The following RPS6 variants were observed in gnomAD, a reference collection of about 807,000 sequenced individuals.
RPS6 encodes ribosomal protein S6, also known as small ribosomal subunit protein eS6.
In RPS6, 1 loss-of-function variant was observed where a neutral mutation model predicts 27.1. That is an observed-to-expected ratio of 0.04 (90% CI 0.01 to 0.18). RPS6 has a LOEUF of 0.18. Ranked by LOEUF, RPS6 falls within the 10% of genes least tolerant of loss-of-function variation. The pLI is 1.00. For synonymous variants in RPS6, 152 were observed against 106.0 expected (o/e 1.43, Z -2.66); for missense variants, 259 against 319.1 (o/e 0.81, Z 1.44).
chr9:19,376,980 C>T (rs549883301), intron 4 of RPS6: 252 of 190,598 alleles, frequency 1.3e-3, no homozygotes, highest in African/African-American at 5.4e-3. Context: ...AACCACTTAA[C>T]ACATTATCTA....
rs2132425616 is a variant in RPS6, at chr9:19,376,537, T to A, written c.611A>T (p.Glu204Val). Reference protein sequence around the residue: ...LKKQRTKKNKEEAAEYAKLLA... With the variant: ...LKKQRTKKNKVEAAEYAKLLA... ...AAGTTTAGCATATTCTGCAGCCTCT[T>A]CTTTATTTTTCTTGGTACGCTGCTT... Residue 204 changes from glutamate to valine, a missense_variant, in exon 5 of 6, where the codon GAA becomes GTA. Physicochemically the swap from Glu to Val is moderately radical, Grantham distance 121. Coordinates refer to ENST00000380394, the MANE Select transcript of RPS6 (RefSeq NM_001010.3). The A allele has an allele frequency of 6.2e-7, 1 of 1,614,180 alleles. No homozygotes were observed. Among genetic ancestry groups the A allele is most frequent in the South Asian group, 1.1e-5 (1 of 91,082 alleles).
Position 19,378,715 on chromosome 9 carries a change from T to C in RPS6, c.342A>G (p.Val114=), listed in dbSNP as rs771824170. The C allele has an allele frequency of 1.2e-6, 2 of 1,613,994 alleles. No homozygotes were observed. Among genetic ancestry groups the C allele is most frequent in the Admixed American group, 1.7e-5 (1 of 60,004 alleles). ...ANLSVLNLVI[V]KKGEKDIPGL... ...AACACAAGTAACCCTCACCTTTTTTTACAATAACCAAGTTGAGAACGCTCA... is the reference window on the plus strand; with the variant it reads ...AACACAAGTAACCCTCACCTTTTTTCACAATAACCAAGTTGAGAACGCTCA... Residue 114 remains valine (V), a synonymous_variant, in exon 3 of 6, where the codon GTA becomes GTG. Coordinates refer to ENST00000380394, the MANE Select transcript of RPS6 (RefSeq NM_001010.3).
intron 4 of RPS6, among the ~76,000 whole-genome samples, chr9:19,378,043 G>A (rs949568348): frequency 9.8e-5 from 15 of 152,290 alleles, no homozygotes; most frequent in Middle Eastern, 3.4e-3. Context: ...AGTGTGTGGT[G>A]CTAATAGTCC....
chr9:19,379,770 C>T, intron 1 of RPS6, 152 bp from the exon 2 acceptor site: 2 of 1,473,690 alleles, frequency 1.4e-6, no homozygotes, highest in South Asian at 1.4e-5. Flanking sequence ...ACTAAAAGCA[C>T]GTGAAAGCAG....
At position 19,376,193 on chromosome 9, in the gene RPS6, G is replaced by T; in HGVS notation, c.*100C>A. The T allele has an allele frequency of 9.8e-7, 1 of 1,015,960 alleles. No homozygotes were observed. The highest frequency in any genetic ancestry group is 1.5e-6 in the Non-Finnish European group (1 of 674,694). 62.9% of individuals were successfully genotyped at this position (1,015,960 alleles called of 1,614,324 possible). A position where few individuals can be genotyped will look rare whatever the true frequency, so the allele number is the denominator to read the frequency against. On this transcript the variant is annotated 3_prime_UTR_variant, in exon 6 of 6. Transcript: ENST00000380394. ...ATATATACATATCCCCATTTTCTATGACCTAACTTTCCCTCTCTTCATTTA... is the reference window on the plus strand; with the variant it reads ...ATATATACATATCCCCATTTTCTATTACCTAACTTTCCCTCTCTTCATTTA...
In RPS6 at chr9:19,379,612, T is replaced by C. The variant is rs1244090583; in HGVS notation, c.13A>G (p.Ile5Val). 5.0e-6 allele frequency: 8 copies of C among 1,613,390 alleles called. No individual in the cohort carries two copies. The African/African-American group carries it at 5.3e-5, about 11-fold the overall frequency. The change falls in exon 2 of 6, where the codon ATC (isoleucine) becomes GTC (valine). Residue 5 changes from isoleucine (I) to valine (V), a missense_variant. Ile to Val is a conservative substitution (Grantham distance 29). This residue lies in a region of RPS6 where 65 missense variants were observed against 66.6 expected (regional missense o/e 0.98). Transcript: ENST00000380394. ...TGGCAGCCAGTGGCTGGGAAGGAGA[T>C]GTTCAGCTAAGGATTAAAAGGGGGG... Reference protein sequence around the residue: MKLNISFPATGCQKL... With the variant: MKLNVSFPATGCQKL...
chr9:19,380,142 C>T, intron 1 of RPS6, 48 bp downstream of exon 1: 11 of 1,614,114 alleles, frequency 6.8e-6, no homozygotes, highest in Non-Finnish European at 9.3e-6. Flanking sequence ...TTCTGGGACT[C>T]GATTCACGTT....
At chr9:19,379,320 T>C (rs1554647538) in intron 2 of RPS6, 167 bp downstream of exon 2, 5 of 1,505,396 alleles carry the variant, frequency 3.3e-6, no homozygotes, top group Non-Finnish European at 4.4e-6. Context: ...TTACTCTACG[T>C]CCCCCCCTCC....
At chr9:19,376,690 T>G in intron 4 of RPS6, 39 bp from the exon 5 acceptor site, 2 of 1,579,762 alleles carry the variant, frequency 1.3e-6, no homozygotes, top group Non-Finnish European at 1.7e-6. Context: ...AATATTTGTT[T>G]TGTTAGAATC....
rs2132423908 is a variant in RPS6 at position 19,375,756 on chromosome 9, A to C, written c.*537T>G. The C allele has an allele frequency of 6.6e-6, 1 of 152,408 alleles. No individual in the cohort carries two copies. The highest frequency in any genetic ancestry group is 1.9e-4 in the East Asian group (1 of 5,178). The allele number at this position is 152,408 out of a possible 1,614,324, so 9.4% of individuals were successfully genotyped here. A position where few individuals can be genotyped will look rare whatever the true frequency, so the allele number is the denominator to read the frequency against. On this transcript the variant is annotated 3_prime_UTR_variant, in exon 6 of 6. Coordinates refer to ENST00000380394, the MANE Select transcript of RPS6 (RefSeq NM_001010.3). ...GAATGTTTTTAGTCATTTCCTTTTC[A>C]GTGTGTGAACAGCCTAACAATTCAC...
rs150590745 is a variant in RPS6 at position 19,377,326 on chromosome 9, C to T, written c.497-675G>A. The stretch of plus-strand genomic sequence containing the variant: ...CTAAAAATACCCATCAACCAGACCA[C>T]GCTTGTATTATACGGATTATTTCCA... On this transcript the variant is annotated intron_variant, in intron 4 of 5. Coordinates refer to ENST00000380394, the MANE Select transcript of RPS6 (RefSeq NM_001010.3). Among the ~76,000 whole-genome samples, 447 of 151,794 alleles carry T rather than the reference C, an allele frequency of 2.9e-3. 3 individuals are homozygous for T. Among genetic ancestry groups the T allele is most frequent in the African/African-American group, 9.5e-3 (391 of 41,274 alleles).
chr9:19,379,375 T>TA, intron 2 of RPS6, 112 bp downstream of exon 2: 1 of 1,558,316 alleles, frequency 6.4e-7, no homozygotes, highest in Admixed American at 2.0e-5. Flanking sequence ...GGAAGCAACT[T>TA]ACCAAAGGTC....
Position 19,376,318 on chromosome 9 carries a change from G to C in RPS6, c.725C>G (p.Ser242Cys), listed in dbSNP as rs1143622. 6.2e-7 allele frequency: 1 copy of C among 1,613,898 alleles called. No individual in the cohort carries two copies. Among genetic ancestry groups the C allele is most frequent in the African/African-American group, 1.3e-5 (1 of 75,030 alleles). Residue 242 changes from serine (S) to cysteine (C), a missense_variant, in exon 6 of 6, where the codon TCT becomes TGT. This residue lies in a region of RPS6 where 191 missense variants were observed against 231.6 expected (regional missense o/e 0.82). Transcript: ENST00000380394. Reference protein sequence around the residue: ...RRLSSLRASTSKSESSQK With the variant: ...RRLSSLRASTCKSESSQK Reference sequence around the variant, plus strand: ...TTATTTCTGACTGGATTCAGACTTAGAAGTAGAAGCTCGCAGAGAGGAAAG... The same window carrying C: ...TTATTTCTGACTGGATTCAGACTTACAAGTAGAAGCTCGCAGAGAGGAAAG...
chr9:19,379,269 C>T (rs1563858590), intron 2 of RPS6: 4 of 1,450,044 alleles, frequency 2.8e-6, no homozygotes, highest in Non-Finnish European at 3.7e-6. Flanking sequence ...TGATGCAGGG[C>T]AAGAATTATG....
At chr9:19,379,205 T>C in intron 2 of RPS6, 1 of 1,105,022 alleles carries the variant, frequency 9.0e-7, no homozygotes. Flanking sequence ...GATACAACCC[T>C]TTTTGGCACT....
rs750198792 is a variant in RPS6, at chr9:19,380,216, C to G, written c.-21G>C. The G allele has an allele frequency of 1.2e-6, 2 of 1,614,028 alleles. No homozygotes were observed. The highest frequency in any genetic ancestry group is 1.7e-6 in the Non-Finnish European group (2 of 1,179,904). ...TTCATCTTGAAGCAGCTGAACGCCTCCGAGGCGCCACGGAAAAGAGGGCCA... is the reference window on the plus strand; with the variant it reads ...TTCATCTTGAAGCAGCTGAACGCCTGCGAGGCGCCACGGAAAAGAGGGCCA... On this transcript the variant is annotated 5_prime_UTR_variant, in exon 1 of 6. Transcript: ENST00000380394.
intron 4 of RPS6, among the ~76,000 whole-genome samples, chr9:19,378,150 T>A (rs768214094): frequency 8.5e-5 from 13 of 152,178 alleles, no homozygotes; most frequent in Non-Finnish European, 1.9e-4. Context: ...CACAAGCAGA[T>A]TTTCAACGAA....
Position 19,379,506 on chromosome 9 carries a change from G to A in RPS6, c.119C>T (p.Ala40Val). 6.2e-7 allele frequency: 1 copy of A among 1,614,162 alleles called. No individual in the cohort carries two copies. The change falls in exon 2 of 6, where the codon GCT (alanine) becomes GTT (valine). Residue 40 changes from alanine to valine, a missense_variant. Transcript: ENST00000380394. The part of the protein sequence containing the change: ...KRMATEVAAD[A>V]LGEEWKGYVV... ...TTTTACCTTCCATTCTTCACCCAGA[G>A]CGTCAGCAGCAACTTCTGTGGCCAT...
rs200325439 is a variant in RPS6, at chr9:19,379,504, G to A, written c.121C>T (p.Leu41=). Residue 41 remains leucine, a synonymous_variant, in exon 2 of 6, where the codon CTG becomes TTG. Transcript: ENST00000380394. ...RMATEVAADA[L]GEEWKGYVVR... ...ACTTTTACCTTCCATTCTTCACCCAGAGCGTCAGCAGCAACTTCTGTGGCC... is the reference window on the plus strand; with the variant it reads ...ACTTTTACCTTCCATTCTTCACCCAAAGCGTCAGCAGCAACTTCTGTGGCC... The A allele has an allele frequency of 1.2e-5, 19 of 1,614,106 alleles. No homozygotes were observed. The highest frequency in any genetic ancestry group is 1.7e-5 in the Admixed American group (1 of 60,004).
Sources: allele counts gnomAD v4.1 joint callset (sites outside exome capture counted in the v4.1 genomes callset), GRCh38; gene constraint gnomAD v4.1.1; regional missense constraint gnomAD v4.1.1; transcripts MANE v1.5; gene names NCBI Gene and HGNC (gene_info 2026-07-23, HGNC 2026-07-21).